The following OXSR1 variants were observed in gnomAD, a reference collection of about 807,000 sequenced individuals.
The protein encoded by OXSR1 is oxidative stress responsive kinase 1.
Under a neutral mutation model 79.8 loss-of-function variants are expected in OXSR1, and 24 were observed. The observed-to-expected ratio is 0.30, with a 90% confidence interval of 0.22 to 0.42. The LOEUF is 0.42. Ranked by LOEUF, OXSR1 falls within the 10% of genes least tolerant of loss-of-function variation. The probability of loss-of-function intolerance (pLI) is 1.00; values close to 1 mark genes in which losing one functional copy is unlikely to be tolerated. For synonymous variants in OXSR1, 226 were observed against 209.2 expected (o/e 1.08, Z -0.69); for missense variants, 430 against 618.4 (o/e 0.70, Z 3.23).
In OXSR1 at chr3:38,246,075, C is replaced by A. The variant is rs769786839; in HGVS notation, c.1111C>A (p.Leu371Ile). 18 of 1,613,462 alleles carry A rather than the reference C, an allele frequency of 1.1e-5. No individual in the cohort carries two copies. The highest frequency in any genetic ancestry group is 1.5e-5 in the Non-Finnish European group (18 of 1,179,616). Residue 371 changes from leucine to isoleucine, a missense_variant and splice_region_variant, in exon 13 of 18, where the codon CTC (leucine) becomes ATC (isoleucine). Leu to Ile is a conservative substitution (Grantham distance 5, BLOSUM62 2). Around this residue, in one of 3 missense-constraint regions of OXSR1, gnomAD observed 276 missense variants for 354.2 expected, o/e 0.78. Transcript: ENST00000311806. ...AACACTGTGTGTGTTTTTGTTACAG[C>A]TCTTTCCAACAACTGATCCTGTGGG... is the stretch of plus-strand genomic sequence containing the variant. ...RVKESISNSE[L>I]FPTTDPVGTL...
At chr3:38,190,339 A>G (rs1398544252) in intron 2 of OXSR1, among the ~76,000 whole-genome samples, 2 of 152,006 alleles carry the variant, frequency 1.3e-5, no homozygotes, top group African/African-American at 4.8e-5. Context: ...AGAAAAAAAA[A>G]TCCCTACACA....
chr3:38,246,295 A>G lies in OXSR1; in HGVS notation c.1257+74A>G, dbSNP rs1488155329. ...AGAGCAGATATTAACGTGGAATATA[A>G]CCTAATGTAATCAGGTTAATGTCTT... On this transcript the variant is annotated intron_variant, in intron 13 of 17. Coordinates refer to ENST00000311806, the MANE Select transcript of OXSR1 (RefSeq NM_005109.3). 10 of 1,411,166 alleles carry G rather than the reference A, an allele frequency of 7.1e-6. No homozygotes were observed. The South Asian group carries it at 7.3e-5, about 10-fold the overall frequency. 87.4% of individuals were successfully genotyped at this position (1,411,166 alleles called of 1,614,324 possible).
At chr3:38,171,585 G>T (rs543149173) in intron 1 of OXSR1, among the ~76,000 whole-genome samples, 3 of 151,240 alleles carry the variant, frequency 2.0e-5, no homozygotes, top group Non-Finnish European at 2.9e-5. Flanking sequence ...TTTGTTCTTC[G>T]TCTTTCTGGT....
upstream of OXSR1, chr3:38,165,425 A>C: frequency 5.7e-6 from 1 of 176,962 alleles, no homozygotes; most frequent in South Asian, 1.1e-4. Flanking sequence ...TGCTCACTTT[A>C]CATCCAGCCA....
intron 11 of OXSR1, among the ~76,000 whole-genome samples, chr3:38,239,610 C>G (rs1445710864): frequency 2.0e-5 from 3 of 152,186 alleles, no homozygotes; most frequent in Admixed American, 2.0e-4. Context: ...GCTATGCACT[C>G]TTACCTCTCA....
chr3:38,200,656 T>G (rs538810505), intron 4 of OXSR1, among the ~76,000 whole-genome samples: 1 of 152,352 alleles, frequency 6.6e-6, no homozygotes, highest in Non-Finnish European at 1.5e-5. Flanking sequence ...TCTATTTTGT[T>G]CCTGAGTTCA....
upstream of OXSR1, among the ~76,000 whole-genome samples, chr3:38,164,515 C>T (rs1701389151): frequency 6.6e-6 from 1 of 152,212 alleles, no homozygotes; most frequent in Non-Finnish European, 1.5e-5. Flanking sequence ...CGCACCTAGC[C>T]CTATCCCTGT....
chr3:38,191,741 G>A (rs1701988022), intron 3 of OXSR1, among the ~76,000 whole-genome samples: 1 of 127,874 alleles, frequency 7.8e-6, no homozygotes, highest in Non-Finnish European at 1.7e-5. Context: ...TTCCCCCTTT[G>A]TAGCTAGCAA....
chr3:38,228,239 TAAAG>T (rs756887030), intron 8 of OXSR1, among the ~76,000 whole-genome samples: 55 of 152,266 alleles, frequency 3.6e-4, no homozygotes, highest in Non-Finnish European at 6.2e-4. Flanking sequence ...TTCTGTCACT[TAAAG>T]AACCCATAAG....
intron 2 of OXSR1, among the ~76,000 whole-genome samples, 163 bp downstream of exon 2, chr3:38,183,278 GA>G (rs1274422754): frequency 2.0e-5 from 3 of 152,162 alleles, no homozygotes; most frequent in Non-Finnish European, 2.9e-5. Flanking sequence ...TGGATAAGTA[GA>G]AAAAAATTAG....
intron 12 of OXSR1, among the ~76,000 whole-genome samples, chr3:38,245,002 A>G (rs1033576204): frequency 1.3e-5 from 2 of 152,194 alleles, no homozygotes; most frequent in African/African-American, 4.8e-5. Context: ...AGTACATACA[A>G]TTTGGAAGCT....
chr3:38,251,303 C>A, intron 15 of OXSR1, 100 bp from the exon 16 acceptor site: 2 of 916,424 alleles, frequency 2.2e-6, no homozygotes, highest in Non-Finnish European at 1.8e-6. Flanking sequence ...TAGCATCCAG[C>A]TTGGGCCTAG....
rs528025723 is a variant in OXSR1, at chr3:38,190,613, A to G, written c.184-118A>G. 11 of 632,198 alleles carry G rather than the reference A, an allele frequency of 1.7e-5. No homozygotes were observed. The Admixed American group carries it at 2.1e-4, about 12-fold the overall frequency. The allele number at this position is 632,198 out of a possible 1,614,324, so 39.2% of individuals were successfully genotyped here. ...AACCCTTCTTGAAGAAATCAGAGCC[A>G]TGGAGATCCCAGAAAGGTGTGACAC... On this transcript the variant is annotated intron_variant, in intron 2 of 17. Transcript: ENST00000311806.
chr3:38,196,953 G>A (rs1334874659), intron 3 of OXSR1, among the ~76,000 whole-genome samples: 2 of 152,162 alleles, frequency 1.3e-5, no homozygotes, highest in African/African-American at 4.8e-5. Context: ...CAGTGTTTAC[G>A]ATAATTTTAG....
At chr3:38,200,118 C>T (rs1221512906) in intron 4 of OXSR1, among the ~76,000 whole-genome samples, 1 of 152,126 alleles carries the variant, frequency 6.6e-6, no homozygotes, top group African/African-American at 2.4e-5. Flanking sequence ...GATGAAGTCC[C>T]CCTGTCTGCT....
At chr3:38,173,623 A>G (rs527630427) in intron 1 of OXSR1, among the ~76,000 whole-genome samples, 43 of 152,360 alleles carry the variant, frequency 2.8e-4, no homozygotes, top group Non-Finnish European at 5.0e-4. Context: ...GTTAATGTAC[A>G]TGATGGTAAC....
intron 12 of OXSR1, among the ~76,000 whole-genome samples, chr3:38,243,000 A>AAAGT (rs1703065775): frequency 6.8e-6 from 1 of 147,628 alleles, no homozygotes; most frequent in South Asian, 2.1e-4. Context: ...CTGGAAGTGA[A>AAAGT]AAGTTATTTA....
intron 10 of OXSR1, chr3:38,236,535 T>G (rs1478426043): frequency 5.4e-6 from 1 of 183,718 alleles, no homozygotes. Context: ...AACCTCTTTT[T>G]TTTTTTTCCT....
chr3:38,248,521 A>T (rs1222642664), intron 14 of OXSR1, among the ~76,000 whole-genome samples: 1 of 152,124 alleles, frequency 6.6e-6, no homozygotes, highest in East Asian at 1.9e-4. Context: ...CTAACATTTT[A>T]AAAAAGAGTT....
Sources: gnomAD v4.1 joint callset for allele counts (sites outside exome capture counted in the v4.1 genomes callset) on GRCh38, gnomAD v4.1.1 for gene constraint, gnomAD v4.1.1 regional missense constraint, MANE v1.5 for transcripts, NCBI Gene and HGNC (gene_info 2026-07-23, HGNC 2026-07-21) for gene names.